The following IGFL2 variants were observed in gnomAD, a reference collection of about 807,000 sequenced individuals.
IGFL2 encodes the protein IGF like family member 2.
Under a neutral mutation model 13.9 loss-of-function variants are expected in IGFL2, and 7 were observed. The observed-to-expected ratio is 0.51, with a 90% confidence interval of 0.29 to 0.95. The LOEUF (loss-of-function observed/expected upper bound fraction) is 0.95. IGFL2 is among the 40% of genes least tolerant of loss of function. IGFL2 has a pLI of 0.08. For missense variants in IGFL2, 138 were observed against 147.8 expected (o/e 0.93, Z 0.34); for synonymous variants, 55 against 55.8 (o/e 0.99, Z 0.07).
At chr19:46,168,844 T>C in the IGFL2 span, among the ~76,000 whole-genome samples, 3 of 122,516 alleles carry the variant, frequency 2.4e-5, no homozygotes, top group Admixed American at 1.7e-4. Context: ...CATGCTGTAA[T>C]TTTTTTCCCT....
intron 1 of IGFL2, among the ~76,000 whole-genome samples, chr19:46,153,727 C>T (rs903262076): frequency 6.6e-6 from 1 of 151,406 alleles, no homozygotes; most frequent in African/African-American, 2.4e-5. Flanking sequence ...GGCATGAGTG[C>T]TGGATCGCTA....
intron 1 of IGFL2, among the ~76,000 whole-genome samples, chr19:46,158,776 A>G (rs868754036): frequency 5.9e-5 from 9 of 152,158 alleles, no homozygotes; most frequent in Admixed American, 4.6e-4. Flanking sequence ...TGGGAGGCTA[A>G]GAATGGAGCT....
At chr19:46,212,533 A>G in the IGFL2 span, 1 of 152,228 alleles carries the variant, frequency 6.6e-6, no homozygotes, top group East Asian at 1.9e-4. Context: ...TCCTGACCCC[A>G]AGATGGCTCT....
chr19:46,132,863 A>G, the IGFL2 span, among the ~76,000 whole-genome samples: 3 of 152,172 alleles, frequency 2.0e-5, no homozygotes, highest in Non-Finnish European at 4.4e-5. Context: ...TGCTGAGTTG[A>G]TCAGATCCAG....
intron 1 of IGFL2, among the ~76,000 whole-genome samples, chr19:46,155,426 T>A (rs923073864): frequency 3.9e-5 from 6 of 152,194 alleles, no homozygotes; most frequent in Non-Finnish European, 7.3e-5. Context: ...TTAAATGCCC[T>A]CAGACTCTCG....
At chr19:46,096,327 T>C in the IGFL2 span, among the ~76,000 whole-genome samples, 1 of 152,066 alleles carries the variant, frequency 6.6e-6, no homozygotes, top group Non-Finnish European at 1.5e-5. Flanking sequence ...TGCTTGTCTG[T>C]TGTTGGTGTA....
the IGFL2 span, among the ~76,000 whole-genome samples, chr19:46,132,844 C>T: frequency 6.6e-6 from 1 of 152,122 alleles, no homozygotes; most frequent in Non-Finnish European, 1.5e-5. Context: ...TACACTCTGT[C>T]CCACTGCCTG....
At chr19:46,162,814 A>G (rs530848049), downstream of IGFL2, among the ~76,000 whole-genome samples, 1 of 152,336 alleles carries the variant, frequency 6.6e-6, no homozygotes, top group Non-Finnish European at 1.5e-5. Flanking sequence ...CTAGTTCAGC[A>G]TGGTTCATAA....
At chr19:46,120,062 A>G in the IGFL2 span, 5 of 500,640 alleles carry the variant, frequency 1.0e-5, no homozygotes, top group African/African-American at 6.0e-5. Flanking sequence ...GGTTGCATGA[A>G]CGAATTGAAG....
At chr19:46,096,083 A>G in the IGFL2 span, among the ~76,000 whole-genome samples, 4 of 152,128 alleles carry the variant, frequency 2.6e-5, no homozygotes, top group South Asian at 2.1e-4. Flanking sequence ...TGATGGGAAT[A>G]TCATTGAATC....
the IGFL2 span, among the ~76,000 whole-genome samples, chr19:46,099,253 A>AT: frequency 6.6e-6 from 1 of 152,046 alleles, no homozygotes; most frequent in South Asian, 2.1e-4. Context: ...CTGTTTTAAC[A>AT]TTTTTTCCTT....
chr19:46,096,550 A>G, the IGFL2 span, among the ~76,000 whole-genome samples: 2 of 152,088 alleles, frequency 1.3e-5, no homozygotes, highest in African/African-American at 4.8e-5. Context: ...ATAGCTTCCA[A>G]TACTATGTTG....
chr19:46,174,228 T>A, the IGFL2 span, among the ~76,000 whole-genome samples: 1 of 152,294 alleles, frequency 6.6e-6, no homozygotes, highest in East Asian at 1.9e-4. Context: ...TTTTCAGGGC[T>A]CAGTGCAAAG....
the IGFL2 span, among the ~76,000 whole-genome samples, chr19:46,084,834 AC>A: frequency 6.6e-5 from 10 of 152,332 alleles, no homozygotes; most frequent in African/African-American, 2.4e-4. Context: ...TGGTGGGAAT[AC>A]AAAGATCCAG....
upstream of IGFL2, among the ~76,000 whole-genome samples, chr19:46,145,634 G>A (rs867120225): frequency 2.0e-5 from 3 of 147,552 alleles, no homozygotes; most frequent in African/African-American, 7.6e-5. Context: ...GTGTGTGTGT[G>A]TATTTATTTA....
chr19:46,105,560 G>C, the IGFL2 span, among the ~76,000 whole-genome samples: 1 of 152,176 alleles, frequency 6.6e-6, no homozygotes, highest in South Asian at 2.1e-4. Context: ...AATAATGTGG[G>C]AGGCTGGATT....
the IGFL2 span, among the ~76,000 whole-genome samples, chr19:46,124,952 G>A: frequency 6.9e-6 from 1 of 143,990 alleles, no homozygotes; most frequent in Admixed American, 7.0e-5. Flanking sequence ...GTGTAGGTTG[G>A]TCCTACTCCA....
At chr19:46,138,393 A>G (rs867395507), upstream of IGFL2, among the ~76,000 whole-genome samples, 1 of 152,196 alleles carries the variant, frequency 6.6e-6, no homozygotes, top group Non-Finnish European at 1.5e-5. Flanking sequence ...CACCTACTGC[A>G]CTAGAGGGGC....
At chr19:46,186,774 A>C in the IGFL2 span, among the ~76,000 whole-genome samples, 1 of 152,208 alleles carries the variant, frequency 6.6e-6, no homozygotes, top group African/African-American at 2.4e-5. Context: ...ACCCTTCCCT[A>C]AAGTGTACAA....
Sources: allele counts gnomAD v4.1 joint callset (sites outside exome capture counted in the v4.1 genomes callset), GRCh38; gene constraint gnomAD v4.1.1; transcripts MANE v1.5; gene names NCBI Gene and HGNC (gene_info 2026-07-23, HGNC 2026-07-21).